CCDC50: variants seen among roughly 807,000 people sequenced by gnomAD.
CCDC50 encodes coiled-coil domain containing 50.
In CCDC50, 54 loss-of-function variants were observed where a neutral mutation model predicts 70.2. The observed-to-expected ratio is 0.77, with a 90% confidence interval of 0.62 to 0.96. CCDC50 has a LOEUF of 0.96. Among genes scored for constraint, CCDC50 ranks in the 50% least tolerant of loss-of-function variants. CCDC50 has a pLI of 0.00. For synonymous variants in CCDC50, 216 were observed against 198.8 expected (o/e 1.09, Z -0.73); for missense variants, 558 against 578.7 (o/e 0.96, Z 0.37).
intron 1 of CCDC50, among the ~76,000 whole-genome samples, chr3:191,337,168 GAA>G (rs60939957): frequency 1.4e-5 from 2 of 141,118 alleles, no homozygotes; most frequent in Admixed American, 7.0e-5. Flanking sequence ...ATACTAGACA[GAA>G]AAAAAAAAAA....
intron 10 of CCDC50, among the ~76,000 whole-genome samples, chr3:191,386,964 A>C (rs1423794107): frequency 6.6e-6 from 1 of 152,142 alleles, no homozygotes; most frequent in Non-Finnish European, 1.5e-5. Flanking sequence ...TTCTACTTGC[A>C]TTTTTTCATA....
chr3:191,384,389 C>A (rs1290716451), intron 10 of CCDC50, among the ~76,000 whole-genome samples: 1 of 152,138 alleles, frequency 6.6e-6, no homozygotes, highest in Admixed American at 6.6e-5. Flanking sequence ...CAACTAATAT[C>A]AGAATGTATA....
At chr3:191,335,864 T>C (rs1711510367) in intron 1 of CCDC50, among the ~76,000 whole-genome samples, 1 of 151,772 alleles carries the variant, frequency 6.6e-6, no homozygotes, top group Admixed American at 6.6e-5. Context: ...AAATGTGTAG[T>C]CTTGGAACCA....
intron 1 of CCDC50, among the ~76,000 whole-genome samples, chr3:191,334,367 T>G (rs1718076900): frequency 6.6e-6 from 1 of 152,216 alleles, no homozygotes; most frequent in Non-Finnish European, 1.5e-5. Flanking sequence ...TTCAAATGGA[T>G]GTAACTGTTA....
At chr3:191,365,835 T>A (rs1266421659) in intron 4 of CCDC50, among the ~76,000 whole-genome samples, 1 of 152,134 alleles carries the variant, frequency 6.6e-6, no homozygotes, top group African/African-American at 2.4e-5. Flanking sequence ...TAACCCTCCA[T>A]CCCTTATATA....
At chr3:191,347,326 G>C (rs1400081185) in intron 1 of CCDC50, among the ~76,000 whole-genome samples, 2 of 141,370 alleles carry the variant, frequency 1.4e-5, no homozygotes, top group Non-Finnish European at 3.2e-5. Flanking sequence ...TGCAACTACA[G>C]GGGAGTTCTA....
chr3:191,336,654 G>A (rs1035781755), intron 1 of CCDC50, among the ~76,000 whole-genome samples: 1 of 152,024 alleles, frequency 6.6e-6, no homozygotes, highest in African/African-American at 2.4e-5. Context: ...CACCTTCCTA[G>A]CCCTACTTGA....
At chr3:191,359,706 T>G (rs1712416108) in intron 3 of CCDC50, among the ~76,000 whole-genome samples, 1 of 152,206 alleles carries the variant, frequency 6.6e-6, no homozygotes, top group East Asian at 1.9e-4. Context: ...GGAGGAGAGA[T>G]ATTTGAGATG....
At chr3:191,337,765 C>T (rs1042821848) in intron 1 of CCDC50, among the ~76,000 whole-genome samples, 8 of 151,876 alleles carry the variant, frequency 5.3e-5, no homozygotes, top group African/African-American at 1.9e-4. Context: ...GAGTAAGGGT[C>T]TGTGGGGCTT....
In CCDC50 at chr3:191,329,513, A is replaced by T. The variant is rs919558735; in HGVS notation, c.-162A>T. The T allele has an allele frequency of 9.8e-5, 60 of 611,672 alleles. No homozygotes were observed. The Admixed American group carries it at 1.9e-3, about 20-fold the overall frequency. The allele number at this position is 611,672 out of a possible 1,614,324, so 37.9% of individuals were successfully genotyped here. On this transcript the variant is annotated 5_prime_UTR_variant, in exon 1 of 12. Coordinates refer to ENST00000392455, the MANE Select transcript of CCDC50 (RefSeq NM_178335.3). ...GGGACCGTCTCCCGCTGCTTTGGTC[A>T]CCAGCCCCTGCCCGCCCGACCCGCT... is the stretch of plus-strand genomic sequence containing the variant.
chr3:191,374,452 C>T (rs1280052818), intron 5 of CCDC50, among the ~76,000 whole-genome samples: 1 of 151,100 alleles, frequency 6.6e-6, no homozygotes, highest in Non-Finnish European at 1.5e-5. Context: ...TTCTCATCTA[C>T]TTGATCCTCT....
intron 1 of CCDC50, among the ~76,000 whole-genome samples, chr3:191,345,594 A>T (rs1322163951): frequency 6.6e-6 from 1 of 152,116 alleles, no homozygotes; most frequent in Non-Finnish European, 1.5e-5. Flanking sequence ...AGTACTTCTG[A>T]TGTGAGGACT....
intron 4 of CCDC50, among the ~76,000 whole-genome samples, chr3:191,365,993 A>T (rs990253877): frequency 6.6e-6 from 1 of 152,138 alleles, no homozygotes; most frequent in Non-Finnish European, 1.5e-5. Flanking sequence ...TTGGATTGGG[A>T]TGCTCAACCT....
chr3:191,389,683 G>C, intron 11 of CCDC50, 81 bp downstream of exon 11: 1 of 1,045,378 alleles, frequency 9.6e-7, no homozygotes, highest in African/African-American at 1.6e-5. Context: ...ATCAAATTCT[G>C]TGTTCCACTA....
chr3:191,357,062 G>A, intron 1 of CCDC50, 26 bp from the exon 2 acceptor site: 2 of 1,503,408 alleles, frequency 1.3e-6, no homozygotes, highest in Non-Finnish European at 1.8e-6. Flanking sequence ...GAGCCTTCCT[G>A]TCTGTTTTTC....
intron 4 of CCDC50, among the ~76,000 whole-genome samples, chr3:191,362,846 A>C (rs1485126075): frequency 6.6e-6 from 1 of 152,210 alleles, no homozygotes; most frequent in Non-Finnish European, 1.5e-5. Flanking sequence ...TCATGTGATA[A>C]TCAGAGCTGC....
intron 1 of CCDC50, 105 bp from the exon 2 acceptor site, chr3:191,356,983 T>TA (rs2108648093): frequency 1.3e-6 from 1 of 755,540 alleles, no homozygotes; most frequent in South Asian, 1.5e-5. Flanking sequence ...CATTCTGAAA[T>TA]ATTAGAATTG....
Position 191,348,042 on chromosome 3 carries a change from A to C in CCDC50, c.50-9046A>C, listed in dbSNP as rs1306715715. ...TATATGCTGGGGAAACATGAGTAAA[A>C]ATTTTTAATGATATAATTAGTGCTA... is the stretch of plus-strand genomic sequence containing the variant. On this transcript the variant is annotated intron_variant, in intron 1 of 11. Transcript: ENST00000392455. Among the ~76,000 whole-genome samples the C allele has an allele frequency of 2.2e-4, 32 of 142,230 alleles. 4 individuals are homozygous for C. In the Admixed American group the frequency reaches 2.3e-3, roughly 10 times the overall value. The allele number at this position is 142,230 out of a possible 152,430, so 93.3% of individuals were successfully genotyped here.
chr3:191,359,104 C>A (rs1253156579), intron 3 of CCDC50, among the ~76,000 whole-genome samples: 1 of 152,124 alleles, frequency 6.6e-6, no homozygotes, highest in Non-Finnish European at 1.5e-5. Context: ...AGGAAAACAC[C>A]TTGAGCATTG....
Sources: gnomAD v4.1 joint callset for allele counts (sites outside exome capture counted in the v4.1 genomes callset) on GRCh38, gnomAD v4.1.1 for gene constraint, MANE v1.5 for transcripts, NCBI Gene and HGNC (gene_info 2026-07-23, HGNC 2026-07-21) for gene names.